FRMD4B: variants seen among roughly 807,000 people sequenced by gnomAD.
FRMD4B encodes the protein FERM domain-containing protein 4B.
Under a neutral mutation model 141.5 loss-of-function variants are expected in FRMD4B, and 74 were observed. That is an observed-to-expected ratio of 0.52 (90% CI 0.43 to 0.63). The LOEUF is 0.63. FRMD4B is among the 30% of genes least tolerant of loss of function. FRMD4B has a pLI of 0.00. For missense variants in FRMD4B, 1,366 were observed against 1,253.4 expected, an observed-to-expected ratio of 1.09 and a Z score of -1.36; for synonymous variants, 506 against 467.9, an observed-to-expected ratio of 1.08 and a Z score of -1.05.
chr3:69,395,199 T>A (rs947310026), intron 2 of FRMD4B, among the ~76,000 whole-genome samples: 1 of 151,662 alleles, frequency 6.6e-6, no homozygotes, highest in African/African-American at 2.4e-5. Context: ...AAAAAAAGAA[T>A]AAAAAGATGA....
At chr3:69,349,772 T>C (rs1421208672) in intron 1 of FRMD4B, among the ~76,000 whole-genome samples, 4 of 152,306 alleles carry the variant, frequency 2.6e-5, no homozygotes, top group African/African-American at 7.2e-5. Context: ...GCTAACCATA[T>C]GTAGAAAGCT....
At chr3:69,454,313 C>T (rs915803949) in intron 1 of FRMD4B, among the ~76,000 whole-genome samples, 1 of 152,372 alleles carries the variant, frequency 6.6e-6, no homozygotes, top group East Asian at 1.9e-4. Context: ...TGCCCCTCCT[C>T]GGCCTCAGTG....
chr3:69,295,250 G>T (rs1321987108), intron 4 of FRMD4B, among the ~76,000 whole-genome samples: 2 of 152,162 alleles, frequency 1.3e-5, no homozygotes, highest in Non-Finnish European at 2.9e-5. Context: ...TGATGCTAAA[G>T]CTCTGTTCTC....
intron 5 of FRMD4B, among the ~76,000 whole-genome samples, chr3:69,283,320 G>T (rs952626982): frequency 7.9e-5 from 12 of 151,712 alleles, no homozygotes; most frequent in Admixed American, 7.9e-4. Context: ...GGAGGCAGGG[G>T]TTGCAGTGAG....
At chr3:69,305,800 G>A (rs1232443639) in intron 3 of FRMD4B, among the ~76,000 whole-genome samples, 3 of 152,190 alleles carry the variant, frequency 2.0e-5, no homozygotes, top group South Asian at 4.1e-4. Flanking sequence ...AACTTGCATG[G>A]AATGGTGTCT....
intron 4 of FRMD4B, among the ~76,000 whole-genome samples, chr3:69,290,636 C>A (rs745401947): frequency 3.9e-5 from 6 of 152,236 alleles, no homozygotes; most frequent in African/African-American, 1.4e-4. Context: ...TAATTAAGGG[C>A]GGCAGCAGGA....
chr3:69,459,179 A>T (rs1483468758), intron 1 of FRMD4B, among the ~76,000 whole-genome samples: 3 of 152,208 alleles, frequency 2.0e-5, no homozygotes, highest in Non-Finnish European at 4.4e-5. Context: ...TCATAGTTTT[A>T]TTATTCTCAC....
chr3:69,292,326 G>A (rs1466954600), intron 4 of FRMD4B, among the ~76,000 whole-genome samples: 1 of 152,148 alleles, frequency 6.6e-6, no homozygotes, highest in Non-Finnish European at 1.5e-5. Flanking sequence ...AGGTAGGAAG[G>A]GCACTCAGGC....
intron 1 of FRMD4B, chr3:69,336,412 G>A (rs1702553262): frequency 6.6e-6 from 1 of 152,234 alleles, no homozygotes; most frequent in Non-Finnish European, 1.5e-5. Context: ...TAAGAAGTAT[G>A]GAGTTTGTTT....
At chr3:69,245,471 T>C (rs116563220) in intron 7 of FRMD4B, among the ~76,000 whole-genome samples, 3,449 of 151,830 alleles carry the variant, frequency 0.023, 124 homozygotes, top group African/African-American at 0.079. Context: ...CTCAGCCTCC[T>C]CAGGAGCTGT....
chr3:69,239,828 G>A (rs1340154301), intron 7 of FRMD4B, among the ~76,000 whole-genome samples: 7 of 152,028 alleles, frequency 4.6e-5, no homozygotes, highest in Admixed American at 6.6e-5. Flanking sequence ...AAGCTGAGGC[G>A]GGTGGATTGC....
chr3:69,508,832 G>C (rs1706640740), intron 1 of FRMD4B, among the ~76,000 whole-genome samples: 1 of 152,150 alleles, frequency 6.6e-6, no homozygotes, highest in African/African-American at 2.4e-5. Flanking sequence ...CTATGAGGTG[G>C]ATCCTTACAA....
chr3:69,193,513 T>TA (rs2092863628), intron 17 of FRMD4B, 135 bp downstream of exon 17: 2 of 618,310 alleles, frequency 3.2e-6, no homozygotes, highest in South Asian at 2.1e-5. Context: ...TGTCTCCAAA[T>TA]AAAAAAGAAA....
chr3:69,469,880 C>A (rs944318335), intron 1 of FRMD4B, among the ~76,000 whole-genome samples: 1 of 152,152 alleles, frequency 6.6e-6, no homozygotes, highest in Non-Finnish European at 1.5e-5. Flanking sequence ...TCTCTATGGT[C>A]CCCTCAGGGT....
At chr3:69,378,400 C>A (rs1704029698) in intron 1 of FRMD4B, among the ~76,000 whole-genome samples, 1 of 152,094 alleles carries the variant, frequency 6.6e-6, no homozygotes, top group Non-Finnish European at 1.5e-5. Context: ...TATCAGGGCA[C>A]CTGGCAATGT....
At chr3:69,506,688 C>G (rs1706602204) in intron 1 of FRMD4B, among the ~76,000 whole-genome samples, 1 of 151,922 alleles carries the variant, frequency 6.6e-6, no homozygotes, top group African/African-American at 2.4e-5. Flanking sequence ...CGGGGGCCAC[C>G]ACACCCAGCT....
At chr3:69,366,271 ACAAAAAC>A (rs745605330) in intron 1 of FRMD4B, among the ~76,000 whole-genome samples, 3,119 of 147,186 alleles carry the variant, frequency 0.021, 78 homozygotes, top group African/African-American at 0.053. Flanking sequence ...AAAAACAAAA[ACAAAAAC>A]AAAAACAAAA....
intron 1 of FRMD4B, among the ~76,000 whole-genome samples, chr3:69,518,436 A>G (rs1700799585): frequency 6.6e-6 from 1 of 152,320 alleles, no homozygotes; most frequent in Non-Finnish European, 1.5e-5. Flanking sequence ...TCCCATTCTG[A>G]TGGTGAATAC....
intron 2 of FRMD4B, among the ~76,000 whole-genome samples, chr3:69,402,655 A>G (rs1369028321): frequency 6.6e-6 from 1 of 152,212 alleles, no homozygotes; most frequent in Admixed American, 6.5e-5. Context: ...AATATCAAAC[A>G]TAAGATGTAC....
Sources: gnomAD v4.1 joint callset for allele counts (sites outside exome capture counted in the v4.1 genomes callset) on GRCh38, gnomAD v4.1.1 for gene constraint, MANE v1.5 for transcripts, NCBI Gene and HGNC (gene_info 2026-07-23, HGNC 2026-07-21) for gene names.